C10orf90: variants seen among roughly 807,000 people sequenced by gnomAD.
C10orf90 encodes chromosome 10 open reading frame 90.
In C10orf90, 56 loss-of-function variants were observed where a neutral mutation model predicts 62.5. The observed-to-expected ratio is 0.90, with a 90% confidence interval of 0.72 to 1.12. The LOEUF (loss-of-function observed/expected upper bound fraction) is 1.12, where lower values mean the gene tolerates loss of function less well. Ranked by LOEUF, C10orf90 falls within the 50% of genes most tolerant of loss-of-function variation. The pLI, the probability that C10orf90 is intolerant of heterozygous loss-of-function variation, is 0.00. For synonymous variants in C10orf90, 386 were observed against 340.4 expected (o/e 1.13, Z -1.47); for missense variants, 970 against 880.4 (o/e 1.10, Z -1.29).
chr10:126,666,583 G>C (rs1846631387), intron 1 of C10orf90, among the ~76,000 whole-genome samples: 1 of 152,152 alleles, frequency 6.6e-6, no homozygotes, highest in Non-Finnish European at 1.5e-5. Context: ...CACCTGGTAA[G>C]TGTTCTTCCT....
chr10:126,530,681 C>T (rs993504401), intron 2 of C10orf90, among the ~76,000 whole-genome samples: 2 of 151,908 alleles, frequency 1.3e-5, no homozygotes, highest in Non-Finnish European at 2.9e-5. Context: ...AGGAAGAAAC[C>T]AAACCGAGCC....
chr10:126,610,988 T>A (rs1845420770), intron 2 of C10orf90, among the ~76,000 whole-genome samples: 1 of 152,220 alleles, frequency 6.6e-6, no homozygotes, highest in Non-Finnish European at 1.5e-5. Context: ...TTGATTGAGA[T>A]GTACTTGTTA....
chr10:126,668,698 A>T (rs1846683945), intron 1 of C10orf90, among the ~76,000 whole-genome samples: 1 of 152,104 alleles, frequency 6.6e-6, no homozygotes. Context: ...CAACTTGGGG[A>T]GTCATGGACA....
intron 1 of C10orf90, among the ~76,000 whole-genome samples, chr10:126,654,491 G>T (rs1846353431): frequency 6.6e-6 from 1 of 152,158 alleles, no homozygotes. Flanking sequence ...TAGAATTATG[G>T]CTGGATTAGG....
At chr10:126,521,808 T>A (rs1863756671) in intron 2 of C10orf90, among the ~76,000 whole-genome samples, 1 of 152,262 alleles carries the variant, frequency 6.6e-6, no homozygotes. Flanking sequence ...TAGTGAAATA[T>A]CTTTGACACT....
At chr10:126,666,103 C>A (rs1217313502) in intron 1 of C10orf90, among the ~76,000 whole-genome samples, 1 of 152,172 alleles carries the variant, frequency 6.6e-6, no homozygotes, top group Non-Finnish European at 1.5e-5. Flanking sequence ...TAGGCCTCAA[C>A]ACCATGGACA....
chr10:126,612,987 G>C (rs1845470302), intron 2 of C10orf90, among the ~76,000 whole-genome samples: 1 of 151,998 alleles, frequency 6.6e-6, no homozygotes, highest in Admixed American at 6.6e-5. Context: ...GAATTCTGGG[G>C]GCTGATGTCT....
chr10:126,520,009 C>T (rs571085305), intron 2 of C10orf90: 1 of 152,444 alleles, frequency 6.6e-6, no homozygotes, highest in East Asian at 1.9e-4. Context: ...TGTGTCATCG[C>T]CTTGGCCAGT....
intron 2 of C10orf90, among the ~76,000 whole-genome samples, chr10:126,634,686 C>A (rs1201474346): frequency 6.6e-6 from 1 of 152,156 alleles, no homozygotes; most frequent in African/African-American, 2.4e-5. Context: ...TCTATTACGA[C>A]TACTCCTCAT....
At chr10:126,664,293 A>T (rs1564915568) in intron 1 of C10orf90, among the ~76,000 whole-genome samples, 1 of 152,138 alleles carries the variant, frequency 6.6e-6, no homozygotes, top group Non-Finnish European at 1.5e-5. Context: ...AGCAGCACCC[A>T]TAAATCACTG....
intron 2 of C10orf90, among the ~76,000 whole-genome samples, chr10:126,556,265 G>A (rs1300606095): frequency 1.3e-5 from 2 of 152,170 alleles, no homozygotes; most frequent in African/African-American, 4.8e-5. Flanking sequence ...AATGTCAACA[G>A]CGAGTACTAC....
chr10:126,483,737 C>G (rs769376585), intron 4 of C10orf90, among the ~76,000 whole-genome samples: 43 of 152,286 alleles, frequency 2.8e-4, no homozygotes, highest in Non-Finnish European at 2.4e-4. Flanking sequence ...TCTTAGCAAC[C>G]CTTCAGAGGC....
intron 2 of C10orf90, among the ~76,000 whole-genome samples, chr10:126,603,766 G>C (rs770974345): frequency 1.3e-5 from 2 of 152,136 alleles, no homozygotes; most frequent in Non-Finnish European, 2.9e-5. Context: ...TCTATGAAAG[G>C]GTTCTTATAT....
intron 4 of C10orf90, among the ~76,000 whole-genome samples, chr10:126,483,814 C>T (rs1861285602): frequency 1.3e-5 from 2 of 152,142 alleles, no homozygotes; most frequent in African/African-American, 4.8e-5. Context: ...CTTCCAATAC[C>T]ATATTCTATT....
rs1363829150 is a variant in C10orf90 at position 126,456,064 on chromosome 10, C to T, written c.2188+2976G>A. Reference sequence around the variant, plus strand: ...ATAGGAGTCTTCTTTTTAACAGACGCCTTGACACTGTAGCCAAAGCTCGTT... The same window carrying T: ...ATAGGAGTCTTCTTTTTAACAGACGTCTTGACACTGTAGCCAAAGCTCGTT... On this transcript the variant is annotated intron_variant, in intron 7 of 9. Coordinates refer to ENST00000488181, the MANE Select transcript of C10orf90 (RefSeq NM_001350921.2). This position sits in a 1 kb window ranked among gnomAD's most constrained non-coding sequence, Gnocchi z 4.9. 6.6e-6 allele frequency among the ~76,000 whole-genome samples: 1 copy of T among 152,226 alleles called. No individual in the cohort carries two copies.
intron 2 of C10orf90, among the ~76,000 whole-genome samples, chr10:126,539,853 G>A (rs1312669726): frequency 6.6e-6 from 1 of 152,254 alleles, no homozygotes; most frequent in East Asian, 1.9e-4. Context: ...GCTAGGAAGA[G>A]GCAAGCATTC....
At chr10:126,635,606 A>G (rs1309598516) in intron 2 of C10orf90, among the ~76,000 whole-genome samples, 1 of 152,200 alleles carries the variant, frequency 6.6e-6, no homozygotes, top group Non-Finnish European at 1.5e-5. Context: ...TCAATATTCA[A>G]TGAGAAAGCA....
At chr10:126,612,256 G>A (rs900686983) in intron 2 of C10orf90, among the ~76,000 whole-genome samples, 15 of 151,388 alleles carry the variant, frequency 9.9e-5, no homozygotes, top group African/African-American at 3.6e-4. Flanking sequence ...GGGATGTGGA[G>A]GTTGCAGTGA....
At chr10:126,459,777 A>T (rs1344398977) in intron 6 of C10orf90, among the ~76,000 whole-genome samples, 1 of 152,164 alleles carries the variant, frequency 6.6e-6, no homozygotes, top group African/African-American at 2.4e-5. Context: ...CCTATACAGA[A>T]AGTTCTGTGA....
Sources: allele counts gnomAD v4.1 joint callset (sites outside exome capture counted in the v4.1 genomes callset), GRCh38; gene constraint gnomAD v4.1.1; non-coding constraint Gnocchi (gnomAD v3.1); transcripts MANE v1.5; gene names NCBI Gene and HGNC (gene_info 2026-07-23, HGNC 2026-07-21).